The following PTPRD variants were observed in gnomAD, a reference collection of about 807,000 sequenced individuals.
PTPRD encodes the protein protein tyrosine phosphatase receptor type D.
PTPRD carries 34 observed loss-of-function variants against 214.5 expected under a neutral mutation model. That is an observed-to-expected ratio of 0.16 (90% confidence interval 0.12 to 0.21). The LOEUF is 0.21. Ranked by LOEUF, PTPRD falls within the 10% of genes least tolerant of loss-of-function variation. The pLI is 1.00. For synonymous variants in PTPRD, 1,128 were observed against 845.7 expected (o/e 1.33, Z -5.79); for missense variants, 2,545 against 2,398.7 (o/e 1.06, Z -1.27).
intron 10 of PTPRD, among the ~76,000 whole-genome samples, chr9:9,051,522 TTC>T (rs1424191644): frequency 6.6e-6 from 1 of 152,190 alleles, no homozygotes; most frequent in East Asian, 1.9e-4. Context: ...TTTAGGAGCA[TTC>T]TTTCTTCATT....
chr9:9,918,498 G>T (rs557294027), intron 5 of PTPRD, among the ~76,000 whole-genome samples: 10 of 151,818 alleles, frequency 6.6e-5, no homozygotes, highest in Non-Finnish European at 1.5e-4. Context: ...AATCTGATTC[G>T]ATTAAATCTC....
At chr9:9,704,951 G>T (rs1057300854) in intron 7 of PTPRD, among the ~76,000 whole-genome samples, 1 of 152,164 alleles carries the variant, frequency 6.6e-6, no homozygotes, top group Non-Finnish European at 1.5e-5. Flanking sequence ...ATAAGAAAAA[G>T]TAAAATGACT....
intron 7 of PTPRD, among the ~76,000 whole-genome samples, chr9:9,613,430 G>C (rs1168649489): frequency 6.6e-6 from 1 of 151,956 alleles, no homozygotes; most frequent in Admixed American, 6.6e-5. Flanking sequence ...GTGATAGATA[G>C]ATAAGCATTC....
chr9:10,284,436 T>C (rs951933876), intron 3 of PTPRD, among the ~76,000 whole-genome samples: 1 of 152,204 alleles, frequency 6.6e-6, no homozygotes, highest in Non-Finnish European at 1.5e-5. Context: ...TGTATGTGCA[T>C]ATGATATAAA....
chr9:8,640,958 A>C (rs1158755318), intron 12 of PTPRD, among the ~76,000 whole-genome samples: 1 of 139,988 alleles, frequency 7.1e-6, no homozygotes, highest in Admixed American at 6.8e-5. Flanking sequence ...CAGCCAAAGG[A>C]AAGATATGAG....
intron 8 of PTPRD, among the ~76,000 whole-genome samples, chr9:9,407,237 C>T (rs980762961): frequency 2.6e-5 from 4 of 151,634 alleles, no homozygotes; most frequent in Admixed American, 6.6e-5. Context: ...TTCTGAGCAT[C>T]GACCATGATG....
intron 2 of PTPRD, among the ~76,000 whole-genome samples, chr9:10,478,595 T>C (rs998023241): frequency 5.3e-5 from 8 of 152,130 alleles, no homozygotes; most frequent in Non-Finnish European, 1.2e-4. Flanking sequence ...ACTAGAGAAG[T>C]AGTTCAGTTT....
intron 10 of PTPRD, among the ~76,000 whole-genome samples, chr9:9,155,024 A>C (rs7849081): frequency 0.9 from 137,539 of 152,154 alleles, 62,292 homozygotes; most frequent in African/African-American, 0.95. Flanking sequence ...TAGATACAAT[A>C]TGATGAATGC....
At position 9,917,302 on chromosome 9, in the gene PTPRD, GAAAAA is replaced by G. The variant is rs140708788; in HGVS notation, c.-368+21200_-368+21204del. ...AAATTGACAAGCCATTAGCTAGACT[GAAAAA>G]AAAAAAAAAAAAAAAAGAGAGTAGA... On this transcript the variant is annotated intron_variant, in intron 5 of 45. Coordinates refer to ENST00000381196, the MANE Select transcript of PTPRD (RefSeq NM_002839.4). Among the ~76,000 whole-genome samples, 137 of 21,214 alleles carry G rather than the reference GAAAAA, an allele frequency of 6.5e-3. 1 individual carries two copies. The highest frequency in any genetic ancestry group is 0.011 in the Non-Finnish European group (105 of 9,646). 13.9% of individuals were successfully genotyped at this position (21,214 alleles called of 152,430 possible). A position where few individuals can be genotyped will look rare whatever the true frequency, so the allele number is the denominator to read the frequency against.
intron 5 of PTPRD, among the ~76,000 whole-genome samples, chr9:9,814,769 C>T (rs1265505848): frequency 1.3e-5 from 2 of 149,164 alleles, no homozygotes; most frequent in Non-Finnish European, 3.0e-5. Flanking sequence ...TATATGAAAC[C>T]ATGAACGCTC....
chr9:9,321,305 C>T (rs1966357601), intron 9 of PTPRD, among the ~76,000 whole-genome samples: 1 of 152,030 alleles, frequency 6.6e-6, no homozygotes, highest in Non-Finnish European at 1.5e-5. Context: ...CCTGTAATCC[C>T]AACACTTTGG....
At chr9:9,320,135 A>G (rs887105490) in intron 9 of PTPRD, among the ~76,000 whole-genome samples, 2 of 152,172 alleles carry the variant, frequency 1.3e-5, no homozygotes, top group Non-Finnish European at 2.9e-5. Context: ...GTATATAAGA[A>G]TTCCTTTTTG....
At chr9:10,025,431 T>A (rs928440489) in intron 4 of PTPRD, among the ~76,000 whole-genome samples, 3 of 152,184 alleles carry the variant, frequency 2.0e-5, no homozygotes, top group African/African-American at 7.2e-5. Context: ...CAATTTTGCC[T>A]GAGAATGATA....
intron 35 of PTPRD, among the ~76,000 whole-genome samples, chr9:8,420,718 A>G (rs2094296170): frequency 6.6e-6 from 1 of 152,076 alleles, no homozygotes; most frequent in African/African-American, 2.4e-5. Flanking sequence ...TATGAAATTT[A>G]TAGGCAGATT....
At position 9,279,550 on chromosome 9, in the gene PTPRD, G is replaced by A. The variant is rs566181123; in HGVS notation, c.-202-96187C>T. Among the ~76,000 whole-genome samples, 319 of 150,060 alleles carry A rather than the reference G, an allele frequency of 2.1e-3. 2 individuals are homozygous for A. The highest frequency in any genetic ancestry group is 7.4e-3 in the African/African-American group (305 of 41,214). On this transcript the variant is annotated intron_variant, in intron 9 of 45. Transcript: ENST00000381196. ...ATTCACATATTCTTTTTTAAATTTC[G>A]TTTTTGTAAAAGTCAGTATTTCTAT...
At chr9:9,720,555 G>C (rs763505673) in intron 7 of PTPRD, among the ~76,000 whole-genome samples, 2 of 152,182 alleles carry the variant, frequency 1.3e-5, no homozygotes, top group Non-Finnish European at 2.9e-5. Context: ...CTTTGAGTTA[G>C]AAGTGATGGG....
In PTPRD at chr9:9,625,478, C is replaced by T. The variant is rs561844902; in HGVS notation, c.-286-50697G>A. Among the ~76,000 whole-genome samples, 36 of 152,238 alleles carry T rather than the reference C, an allele frequency of 2.4e-4. 1 individual carries two copies. The South Asian group carries it at 7.1e-3, about 30-fold the overall frequency. On this transcript the variant is annotated intron_variant, in intron 7 of 45. Coordinates refer to ENST00000381196, the MANE Select transcript of PTPRD (RefSeq NM_002839.4). The stretch of plus-strand genomic sequence containing the variant: ...CTTAACCATAGGCAGCTCCAGCATC[C>T]TGATTGGACCGTACCACCCCAACAG...
chr9:8,859,707 G>A (rs1276207486), intron 11 of PTPRD, among the ~76,000 whole-genome samples: 1 of 151,646 alleles, frequency 6.6e-6, no homozygotes, highest in Non-Finnish European at 1.5e-5. Flanking sequence ...GCCACCGAAG[G>A]ATTGGTCAGT....
intron 3 of PTPRD, among the ~76,000 whole-genome samples, chr9:10,178,762 T>G: frequency 6.6e-6 from 1 of 151,960 alleles, no homozygotes; most frequent in South Asian, 2.1e-4. Flanking sequence ...ATAGGATGTT[T>G]AGCAACATCC....
Sources: allele counts gnomAD v4.1 joint callset (sites outside exome capture counted in the v4.1 genomes callset), GRCh38; gene constraint gnomAD v4.1.1; transcripts MANE v1.5; gene names NCBI Gene and HGNC (gene_info 2026-07-23, HGNC 2026-07-21).